LRRTM3: variants seen among roughly 807,000 people sequenced by gnomAD.
LRRTM3 encodes leucine-rich repeat transmembrane neuronal protein 3.
LRRTM3 carries 24 observed loss-of-function variants against 44.7 expected under a neutral mutation model. The ratio of observed to expected loss-of-function variants is 0.54; its 90% CI spans 0.39 to 0.76. The LOEUF (loss-of-function observed/expected upper bound fraction) is 0.76, where lower values mean the gene tolerates loss of function less well. Among genes scored for constraint, LRRTM3 ranks in the 30% least tolerant of loss-of-function variants. The probability of loss-of-function intolerance (pLI) is 0.00; values close to 1 mark genes in which losing one functional copy is unlikely to be tolerated. For missense variants in LRRTM3, 587 were observed against 702.2 expected, an observed-to-expected ratio of 0.84 and a Z score of 1.85; for synonymous variants, 277 against 278.7, an observed-to-expected ratio of 0.99 and a Z score of 0.06.
At chr10:67,080,628 G>C (rs776321289) in intron 2 of LRRTM3, among the ~76,000 whole-genome samples, 1 of 152,066 alleles carries the variant, frequency 6.6e-6, no homozygotes, top group African/African-American at 2.4e-5. Flanking sequence ...GTGAAGTAAC[G>C]GCCGGGCATG....
In LRRTM3 at chr10:66,954,535, G is replaced by C. The variant is rs56394871; in HGVS notation, c.1536+26083G>C. 8.2e-3 allele frequency among the ~76,000 whole-genome samples: 1,241 copies of C among 152,248 alleles called. 18 individuals carry two copies. Among genetic ancestry groups the C allele is most frequent in the African/African-American group, 0.029 (1,186 of 41,548 alleles). On this transcript the variant is annotated intron_variant, in intron 2 of 2. Coordinates refer to ENST00000361320, the MANE Select transcript of LRRTM3 (RefSeq NM_178011.5). The stretch of plus-strand genomic sequence containing the variant: ...TAATGCTGACCTCTTAGGGCAAACT[G>C]TAGGCACTGGTCATGCCCCATGGAT...
chr10:67,033,176 A>G (rs1287123295), intron 2 of LRRTM3, among the ~76,000 whole-genome samples: 1 of 152,194 alleles, frequency 6.6e-6, no homozygotes, highest in East Asian at 1.9e-4. Context: ...CAAATATATG[A>G]TCTTCAAGTC....
intron 2 of LRRTM3, among the ~76,000 whole-genome samples, chr10:67,000,413 C>A (rs1321419639): frequency 1.3e-5 from 2 of 152,042 alleles, no homozygotes; most frequent in Admixed American, 1.3e-4. Flanking sequence ...GAAATGAAAC[C>A]GATCTACTTA....
Position 66,927,917 on chromosome 10 carries a change from G to A in LRRTM3, c.1001G>A (p.Arg334Lys). Residue 334 changes from arginine (R) to lysine (K), a missense_variant, in exon 2 of 3, where the codon AGG becomes AAG. By Grantham distance (26) the Arg-to-Lys change is conservative. This residue lies in a region of LRRTM3 where 315 missense variants were observed against 335.6 expected (regional missense o/e 0.94). Transcript: ENST00000361320. This position sits in a 1 kb window ranked among gnomAD's most constrained non-coding sequence, Gnocchi z 4.7. Reference sequence around the variant, plus strand: ...TGGCTGAAAAGTTTTAAAGGTCTAAGGGAGAATACAATTATCTGTGCCAGT... The same window carrying A: ...TGGCTGAAAAGTTTTAAAGGTCTAAAGGAGAATACAATTATCTGTGCCAGT... ...VNWLKSFKGL[R>K]ENTIICASPK... 6.2e-7 allele frequency: 1 copy of A among 1,614,236 alleles called. No homozygotes were observed.
intron 2 of LRRTM3, among the ~76,000 whole-genome samples, chr10:67,023,006 T>C (rs1853127695): frequency 6.6e-6 from 1 of 151,830 alleles, no homozygotes; most frequent in Non-Finnish European, 1.5e-5. Flanking sequence ...AAGACTGAAA[T>C]AAATGGAGAG....
chr10:67,092,712 A>C (rs565818600), intron 2 of LRRTM3, among the ~76,000 whole-genome samples: 37 of 152,126 alleles, frequency 2.4e-4, no homozygotes, highest in Admixed American at 8.5e-4. Context: ...ATTAGTAATT[A>C]GTTATTTTTA....
chr10:67,069,879 T>C (rs1856339402), intron 2 of LRRTM3, among the ~76,000 whole-genome samples: 1 of 152,182 alleles, frequency 6.6e-6, no homozygotes, highest in Non-Finnish European at 1.5e-5. Context: ...TTGAACACTT[T>C]TGTACATCTT....
intron 2 of LRRTM3, among the ~76,000 whole-genome samples, chr10:67,038,179 T>A (rs1347867837): frequency 1.3e-5 from 2 of 152,148 alleles, no homozygotes; most frequent in Non-Finnish European, 2.9e-5. Flanking sequence ...TGAAATTCAG[T>A]TGGATAATCC....
At chr10:67,018,957 G>A (rs901012031) in intron 2 of LRRTM3, among the ~76,000 whole-genome samples, 4 of 152,194 alleles carry the variant, frequency 2.6e-5, no homozygotes, top group East Asian at 1.9e-4. Context: ...CTGATTTTCA[G>A]TATCAGTTTG....
At chr10:66,995,419 C>G (rs1925610) in intron 2 of LRRTM3, among the ~76,000 whole-genome samples, 71,420 of 151,936 alleles carry the variant, frequency 0.47, 17,314 homozygotes, top group African/African-American at 0.55. Flanking sequence ...TGGTAGCAGT[C>G]AGCTAGCAGG....
chr10:66,949,671 C>T (rs534674724), intron 2 of LRRTM3, among the ~76,000 whole-genome samples: 1 of 152,152 alleles, frequency 6.6e-6, no homozygotes, highest in East Asian at 1.9e-4. Flanking sequence ...AGTACCACTA[C>T]GTATGTTTCA....
intron 2 of LRRTM3, among the ~76,000 whole-genome samples, chr10:66,955,476 G>A (rs1848738329): frequency 2.0e-5 from 3 of 152,130 alleles, no homozygotes; most frequent in Non-Finnish European, 2.9e-5. Context: ...TTGCATGACA[G>A]TATGCATCTA....
intron 2 of LRRTM3, among the ~76,000 whole-genome samples, chr10:67,038,912 A>C (rs1039527143): frequency 6.6e-6 from 1 of 152,104 alleles, no homozygotes; most frequent in African/African-American, 2.4e-5. Context: ...TTAACTATAA[A>C]ATCCAGATAA....
At position 67,043,131 on chromosome 10, in the gene LRRTM3, C is replaced by CTTTTTTTT. The variant is rs1284606581; in HGVS notation, c.1537-54453_1537-54452insTTTTTTTT. 3.3e-5 allele frequency among the ~76,000 whole-genome samples: 2 copies of CTTTTTTTT among 60,210 alleles called. 1 individual carries two copies. The allele number at this position is 60,210 out of a possible 152,430, so 39.5% of individuals were successfully genotyped here. ...GATTTCATGCCTCAAGGCTCACTTTCTTTCTTTTTTTTTTTTTTTTTCTGT... is the reference window on the plus strand; with the variant it reads ...GATTTCATGCCTCAAGGCTCACTTTCTTTTTTTTTTTCTTTTTTTTTTTTTTTTTCTGT... On this transcript the variant is annotated intron_variant, in intron 2 of 2. Coordinates refer to ENST00000361320, the MANE Select transcript of LRRTM3 (RefSeq NM_178011.5).
intron 2 of LRRTM3, among the ~76,000 whole-genome samples, chr10:67,092,776 C>T (rs148184340): frequency 3.3e-5 from 5 of 151,922 alleles, no homozygotes; most frequent in East Asian, 1.9e-4. Flanking sequence ...GATGTTGATA[C>T]GAGACAGTGA....
intron 2 of LRRTM3, among the ~76,000 whole-genome samples, chr10:67,040,607 T>C (rs1224280881): frequency 1.3e-5 from 2 of 152,044 alleles, no homozygotes; most frequent in Middle Eastern, 3.2e-3. Context: ...TTAGAGAAAA[T>C]ATGTGTCTAT....
At chr10:67,027,436 C>CTTT (rs5785811) in intron 2 of LRRTM3, among the ~76,000 whole-genome samples, 8,644 of 134,306 alleles carry the variant, frequency 0.064, 445 homozygotes, top group Non-Finnish European at 0.079. Flanking sequence ...TCTTTCATGA[C>CTTT]TTTTTTTTTT....
chr10:67,081,250 C>T (rs1355560902), intron 2 of LRRTM3, among the ~76,000 whole-genome samples: 1 of 152,108 alleles, frequency 6.6e-6, no homozygotes, highest in African/African-American at 2.4e-5. Context: ...ATGCTTAATT[C>T]TCTAAGCTCA....
intron 2 of LRRTM3, among the ~76,000 whole-genome samples, chr10:67,044,475 A>G (rs750823857): frequency 9.2e-5 from 14 of 152,188 alleles, no homozygotes; most frequent in Non-Finnish European, 2.9e-5. Context: ...TCTAAAATTT[A>G]AATGCAATGT....
Sources: gnomAD v4.1 joint callset for allele counts (sites outside exome capture counted in the v4.1 genomes callset) on GRCh38, gnomAD v4.1.1 for gene constraint, gnomAD v4.1.1 regional missense constraint, Gnocchi (gnomAD v3.1) non-coding constraint, MANE v1.5 for transcripts, NCBI Gene and HGNC (gene_info 2026-07-23, HGNC 2026-07-21) for gene names.